The following GLI3 variants were observed in gnomAD, a reference collection of about 807,000 sequenced individuals.
GLI3 encodes the protein GLI family zinc finger 3, also known as transcription activator GLI3.
GLI3 carries 20 observed loss-of-function variants against 100.8 expected under a neutral mutation model. The observed-to-expected ratio is 0.20, with a 90% CI of 0.14 to 0.29. The LOEUF (loss-of-function observed/expected upper bound fraction) is 0.29, where lower values mean the gene tolerates loss of function less well. Among genes scored for constraint, GLI3 ranks in the 10% least tolerant of loss-of-function variants. The pLI, the probability that GLI3 is intolerant of heterozygous loss-of-function variation, is 1.00. For missense variants in GLI3, 2,040 were observed against 2,128.5 expected (o/e 0.96, Z 0.82); for synonymous variants, 938 against 860.5 (o/e 1.09, Z -1.58).
At chr7:42,196,953 T>C (rs1181334861) in intron 2 of GLI3, among the ~76,000 whole-genome samples, 1 of 152,244 alleles carries the variant, frequency 6.6e-6, no homozygotes, top group African/African-American at 2.4e-5. Flanking sequence ...CAATGTCGTG[T>C]ATACATCATG....
intron 3 of GLI3, among the ~76,000 whole-genome samples, chr7:42,080,350 G>A (rs767861895): frequency 6.6e-6 from 1 of 152,156 alleles, no homozygotes; most frequent in Non-Finnish European, 1.5e-5. Context: ...GCTTATTTAT[G>A]TCCCAAGAAA....
chr7:42,248,822 T>G (rs1789001572), intron 1 of GLI3, among the ~76,000 whole-genome samples: 1 of 152,146 alleles, frequency 6.6e-6, no homozygotes. Context: ...AGGGTCTCCC[T>G]CTGTCACCCA....
At chr7:42,229,421 G>A (rs1390570560) in intron 1 of GLI3, among the ~76,000 whole-genome samples, 1 of 152,200 alleles carries the variant, frequency 6.6e-6, no homozygotes, top group South Asian at 2.1e-4. Context: ...CCTTAAGTGA[G>A]AAATTATTCC....
At chr7:41,970,368 CAT>C (rs1787333136) in intron 13 of GLI3, among the ~76,000 whole-genome samples, 2 of 152,190 alleles carry the variant, frequency 1.3e-5, no homozygotes, top group South Asian at 4.2e-4. Context: ...TGTGTGTGAG[CAT>C]ATACACACAT....
intron 1 of GLI3, among the ~76,000 whole-genome samples, chr7:42,262,370 C>A (rs1789154414): frequency 6.6e-6 from 1 of 151,966 alleles, no homozygotes; most frequent in African/African-American, 2.4e-5. Flanking sequence ...AGCGGTCCTC[C>A]CACCTCAGGC....
intron 3 of GLI3, among the ~76,000 whole-genome samples, chr7:42,129,723 C>A (rs1020654556): frequency 1.3e-5 from 2 of 152,084 alleles, no homozygotes; most frequent in African/African-American, 4.8e-5. Flanking sequence ...AGGCAGAGAA[C>A]TGCTTGAACC....
intron 2 of GLI3, among the ~76,000 whole-genome samples, chr7:42,208,157 T>A (rs1040688213): frequency 6.6e-6 from 1 of 151,950 alleles, no homozygotes; most frequent in African/African-American, 2.4e-5. Flanking sequence ...AGACTCCATC[T>A]CAAAAAATAA....
intron 2 of GLI3, among the ~76,000 whole-genome samples, chr7:42,212,010 T>C (rs998050811): frequency 4.6e-5 from 7 of 152,230 alleles, no homozygotes; most frequent in African/African-American, 1.4e-4. Context: ...TTTTTCCCAA[T>C]GCTTTTGCAA....
chr7:42,155,390 G>A (rs1214359753), intron 2 of GLI3, among the ~76,000 whole-genome samples: 1 of 149,678 alleles, frequency 6.7e-6, no homozygotes, highest in African/African-American at 2.5e-5. Flanking sequence ...AGTGAGCCAA[G>A]ATCACGCCAT....
At chr7:42,202,967 G>C (rs1364065172) in intron 2 of GLI3, among the ~76,000 whole-genome samples, 2 of 152,130 alleles carry the variant, frequency 1.3e-5, no homozygotes, top group Non-Finnish European at 2.9e-5. Context: ...ACAATCTCAT[G>C]CTAAAAACTA....
chr7:42,030,174 C>A (rs1211145666), intron 7 of GLI3, among the ~76,000 whole-genome samples: 3 of 152,124 alleles, frequency 2.0e-5, no homozygotes, highest in Non-Finnish European at 4.4e-5. Context: ...GCTCAGGGGT[C>A]CACATCACTC....
At position 41,967,587 on chromosome 7, in the gene GLI3, A is replaced by T; in HGVS notation, c.2431+9T>A. On this transcript the variant is annotated intron_variant, in intron 14 of 14. Transcript: ENST00000395925. ...CCTGAGCAGATGCATGGTCTGATGT[A>T]GAACTCACCATTTCCTATGAGAGGA... The T allele has an allele frequency of 6.3e-7, 1 of 1,597,650 alleles. No individual in the cohort carries two copies. The highest frequency in any genetic ancestry group is 1.1e-5 in the South Asian group (1 of 90,734).
intron 9 of GLI3, among the ~76,000 whole-genome samples, chr7:42,024,864 C>A (rs577935260): frequency 2.0e-5 from 3 of 152,140 alleles, no homozygotes; most frequent in Admixed American, 2.0e-4. Flanking sequence ...TCAGTAGATC[C>A]GCCACAGCTC....
chr7:42,148,155 AC>A, intron 3 of GLI3, 70 bp downstream of exon 3: 1 of 1,467,814 alleles, frequency 6.8e-7, no homozygotes, highest in Non-Finnish European at 9.2e-7. Flanking sequence ...ACACACACAC[AC>A]ACACACACAC....
intron 3 of GLI3, among the ~76,000 whole-genome samples, chr7:42,087,211 AC>A (rs1300689166): frequency 6.6e-6 from 1 of 152,114 alleles, no homozygotes; most frequent in African/African-American, 2.4e-5. Context: ...ACTTCCATCT[AC>A]CTAAGGGGCC....
At position 42,214,150 on chromosome 7, in the gene GLI3, G is replaced by T. The variant is rs1583653346; in HGVS notation, c.124+8980C>A. Among the ~76,000 whole-genome samples, 3 of 152,176 alleles carry T rather than the reference G, an allele frequency of 2.0e-5. No individual in the cohort carries two copies. In the East Asian group the frequency reaches 5.8e-4, roughly 29 times the overall value. On this transcript the variant is annotated intron_variant, in intron 2 of 14. Transcript: ENST00000395925. ...TGAGGCTTTTCTCTCACATCTTTCAGTCTCGTTTTAGCAAATTATCCCATG... is the reference window on the plus strand; with the variant it reads ...TGAGGCTTTTCTCTCACATCTTTCATTCTCGTTTTAGCAAATTATCCCATG...
At chr7:42,204,285 A>AAGATACGGCG in intron 2 of GLI3, among the ~76,000 whole-genome samples, 1 of 133,494 alleles carries the variant, frequency 7.5e-6, no homozygotes, top group East Asian at 2.3e-4. Context: ...CATTTCCCCA[A>AAGATACGGCG]ACCACCGAGA....
chr7:42,133,777 G>GA (rs1184742589), intron 3 of GLI3, among the ~76,000 whole-genome samples: 6 of 150,718 alleles, frequency 4.0e-5, no homozygotes, highest in African/African-American at 9.8e-5. Context: ...TTACCAAAAG[G>GA]AAAAAAAAAT....
intron 4 of GLI3, among the ~76,000 whole-genome samples, chr7:42,051,471 T>G (rs76675312): frequency 4.7e-4 from 71 of 152,328 alleles, no homozygotes; most frequent in African/African-American, 1.6e-3. Context: ...CATCCATATG[T>G]AAAATCATAT....
Sources: gnomAD v4.1 joint callset for allele counts (sites outside exome capture counted in the v4.1 genomes callset) on GRCh38, gnomAD v4.1.1 for gene constraint, MANE v1.5 for transcripts, NCBI Gene and HGNC (gene_info 2026-07-23, HGNC 2026-07-21) for gene names.